Variants in STX17 observed in about 807,000 individuals in gnomAD.
The protein encoded by STX17 is syntaxin-17.
STX17 carries 29 observed loss-of-function variants against 35.9 expected under a neutral mutation model. That is an observed-to-expected ratio of 0.81 (90% CI 0.60 to 1.10). The LOEUF is 1.10. STX17 is among the 50% of genes least tolerant of loss of function. The pLI is 0.00. For missense variants in STX17, 312 were observed against 352.3 expected (o/e 0.89, Z 0.92); for synonymous variants, 92 against 118.3 (o/e 0.78, Z 1.44).
intron 3 of STX17, among the ~76,000 whole-genome samples, chr9:99,942,352 T>A (rs752561009): frequency 1.6e-4 from 24 of 152,208 alleles, no homozygotes; most frequent in Admixed American, 6.5e-5. Flanking sequence ...CTTTATCAGT[T>A]ATATGTGTTG....
chr9:99,968,592 A>G lies in STX17; in HGVS notation c.828A>G (p.Gln276=), dbSNP rs763726317. 1.9e-6 allele frequency: 3 copies of G among 1,613,854 alleles called. No homozygotes were observed. The African/African-American group carries it at 4.0e-5, about 22-fold the overall frequency. The change falls in exon 8 of 8, where the codon CAA becomes CAG. Residue 276 remains glutamine (Q), a synonymous_variant. Transcript: ENST00000259400. ...VLGFTGGKLI[Q]RKKQKMMEKL... ...GCTTCACAGGTGGAAAATTGATACA[A>G]AGAAAGAAACAGAAAATGATGGAGA...
intron 3 of STX17, among the ~76,000 whole-genome samples, chr9:99,941,093 C>T (rs571034723): frequency 4.1e-4 from 62 of 152,350 alleles, no homozygotes; most frequent in East Asian, 3.9e-4. Context: ...CTAGTGACTA[C>T]ACTTTTCTAG....
At chr9:99,927,067 C>G (rs991507478) in intron 2 of STX17, among the ~76,000 whole-genome samples, 4 of 152,136 alleles carry the variant, frequency 2.6e-5, no homozygotes, top group Admixed American at 1.3e-4. Flanking sequence ...AAAGGAAAAC[C>G]CTGCAGATCT....
chr9:99,941,962 CA>C (rs1465431134), intron 3 of STX17, among the ~76,000 whole-genome samples: 1 of 152,160 alleles, frequency 6.6e-6, no homozygotes, highest in Non-Finnish European at 1.5e-5. Flanking sequence ...CACATGTGCA[CA>C]TATTTCTGTT....
intron 4 of STX17, among the ~76,000 whole-genome samples, chr9:99,954,472 A>C (rs1357222960): frequency 6.6e-6 from 1 of 152,078 alleles, no homozygotes; most frequent in Non-Finnish European, 1.5e-5. Context: ...AAAGGAAATG[A>C]ATAATGAAAG....
intron 3 of STX17, among the ~76,000 whole-genome samples, chr9:99,950,389 A>C (rs748700301): frequency 2.2e-4 from 33 of 151,886 alleles, no homozygotes; most frequent in Non-Finnish European, 4.1e-4. Flanking sequence ...TCTTTCCTAC[A>C]CAAAATAATA....
At position 99,970,646 on chromosome 9, in the gene STX17, A is replaced by G. The variant is rs896350124; in HGVS notation, c.*1973A>G. 1.3e-5 allele frequency among the ~76,000 whole-genome samples: 2 copies of G among 152,218 alleles called. No individual in the cohort carries two copies. The highest frequency in any genetic ancestry group is 4.8e-5 in the African/African-American group (2 of 41,452). On this transcript the variant is annotated 3_prime_UTR_variant, in exon 8 of 8. Transcript: ENST00000259400. ...CACCCGTCCAGCATAGTCAGCTGAA[A>G]TTATAAATCTAAGAAACAGTTACAT...
At position 99,973,504 on chromosome 9, in the gene STX17, G is replaced by C. The variant is rs1047318851; in HGVS notation, c.*4831G>C. On this transcript the variant is annotated 3_prime_UTR_variant, in exon 8 of 8. Transcript: ENST00000259400. ...TTGTAGCAGGATTTTTTAAATCAGGGGCAGCTCTCTTCTCCCATCCCAGCC... is the reference window on the plus strand; with the variant it reads ...TTGTAGCAGGATTTTTTAAATCAGGCGCAGCTCTCTTCTCCCATCCCAGCC... 6.6e-6 allele frequency among the ~76,000 whole-genome samples: 1 copy of C among 152,052 alleles called. No homozygotes were observed. The highest frequency in any genetic ancestry group is 2.4e-5 in the African/African-American group (1 of 41,408).
intron 3 of STX17, among the ~76,000 whole-genome samples, chr9:99,943,109 C>T (rs1829399571): frequency 6.6e-6 from 1 of 151,786 alleles, no homozygotes; most frequent in Non-Finnish European, 1.5e-5. Flanking sequence ...TATTGAATTC[C>T]TGTATTTGTT....
At chr9:99,953,782 T>G (rs1040647710) in intron 4 of STX17, among the ~76,000 whole-genome samples, 1 of 152,062 alleles carries the variant, frequency 6.6e-6, no homozygotes, top group Non-Finnish European at 1.5e-5. Context: ...CAAACAAAAA[T>G]TTGGAGTTCA....
intron 4 of STX17, among the ~76,000 whole-genome samples, chr9:99,952,018 A>T (rs1056305220): frequency 6.6e-6 from 1 of 152,012 alleles, no homozygotes; most frequent in African/African-American, 2.4e-5. Flanking sequence ...CAGATTTTTA[A>T]ACCTATCCTA....
At chr9:99,941,148 T>C (rs1440779207) in intron 3 of STX17, among the ~76,000 whole-genome samples, 2 of 152,268 alleles carry the variant, frequency 1.3e-5, no homozygotes, top group African/African-American at 4.8e-5. Flanking sequence ...ATGCATGTTG[T>C]TGGACCACTA....
Position 99,972,928 on chromosome 9 carries a change from A to G in STX17, c.*4255A>G, listed in dbSNP as rs1830043057. Reference sequence around the variant, plus strand: ...GGTTCACAGGTACTTAACGAATGTTAGATGATGTTCTTAAGTAATCAGAGG... The same window carrying G: ...GGTTCACAGGTACTTAACGAATGTTGGATGATGTTCTTAAGTAATCAGAGG... On this transcript the variant is annotated 3_prime_UTR_variant, in exon 8 of 8. Transcript: ENST00000259400. Among the ~76,000 whole-genome samples, 1 of 152,202 alleles carries G rather than the reference A, an allele frequency of 6.6e-6. No homozygotes were observed. Among genetic ancestry groups the G allele is most frequent in the Non-Finnish European group, 1.5e-5 (1 of 68,026 alleles).
chr9:99,971,164 A>G lies in STX17; in HGVS notation c.*2491A>G, dbSNP rs1462914875. 2.0e-5 allele frequency among the ~76,000 whole-genome samples: 3 copies of G among 152,222 alleles called. No individual in the cohort carries two copies. Among genetic ancestry groups the G allele is most frequent in the South Asian group, 2.1e-4 (1 of 4,834 alleles). ...TTAAAATTGAATTTAATGTTTTATC[A>G]TATCAGATTAAATATTTTCTCCATG... On this transcript the variant is annotated 3_prime_UTR_variant, in exon 8 of 8. Transcript: ENST00000259400.
At chr9:99,963,752 G>A (rs755648083) in intron 6 of STX17, among the ~76,000 whole-genome samples, 64 of 152,056 alleles carry the variant, frequency 4.2e-4, no homozygotes, top group Non-Finnish European at 7.9e-4. Flanking sequence ...TCCTCTGTTA[G>A]CAACATCCTA....
Position 99,968,881 on chromosome 9 carries a change from G to GTT in STX17, c.*209_*210insTT. On this transcript the variant is annotated 3_prime_UTR_variant, in exon 8 of 8. Coordinates refer to ENST00000259400, the MANE Select transcript of STX17 (RefSeq NM_017919.3). ...AAGAGATTGAGGCCCTGGGCTGAGGGTATATAATGTATGTCAGGTAAAGTT... is the reference window on the plus strand; with the variant it reads ...AAGAGATTGAGGCCCTGGGCTGAGGGTTTATATAATGTATGTCAGGTAAAGTT... 1.2e-5 allele frequency: 7 copies of GTT among 567,638 alleles called. No homozygotes were observed. The highest frequency in any genetic ancestry group is 2.7e-6 in the Non-Finnish European group (1 of 364,516). 35.2% of individuals were successfully genotyped at this position (567,638 alleles called of 1,614,324 possible). A position where few individuals can be genotyped will look rare whatever the true frequency, so the allele number is the denominator to read the frequency against.
intron 4 of STX17, among the ~76,000 whole-genome samples, chr9:99,955,442 A>G (rs1409838679): frequency 6.6e-6 from 1 of 152,040 alleles, no homozygotes; most frequent in Admixed American, 6.6e-5. Flanking sequence ...TTTTATTTTG[A>G]TAGGCTTATG....
At chr9:99,940,670 G>A (rs981785035) in intron 3 of STX17, among the ~76,000 whole-genome samples, 3 of 151,766 alleles carry the variant, frequency 2.0e-5, no homozygotes, top group East Asian at 1.9e-4. Context: ...TAGTAGAGAC[G>A]GGGTTTCTTC....
intron 6 of STX17, among the ~76,000 whole-genome samples, chr9:99,966,569 A>G (rs1829915962): frequency 6.6e-6 from 1 of 152,200 alleles, no homozygotes; most frequent in Non-Finnish European, 1.5e-5. Flanking sequence ...TGCAGGTGGC[A>G]TCTATCTAGG....
Sources: allele counts gnomAD v4.1 joint callset (sites outside exome capture counted in the v4.1 genomes callset), GRCh38; gene constraint gnomAD v4.1.1; transcripts MANE v1.5; gene names NCBI Gene and HGNC (gene_info 2026-07-23, HGNC 2026-07-21).